Variants in ADAMTS9 observed in about 807,000 individuals in gnomAD.
ADAMTS9 encodes ADAM metallopeptidase with thrombospondin type 1 motif 9, also known as A disintegrin and metalloproteinase with thrombospondin motifs 9.
Under a neutral mutation model 257.1 loss-of-function variants are expected in ADAMTS9, and 107 were observed. That is an observed-to-expected ratio of 0.42 (90% CI 0.36 to 0.49). ADAMTS9 has a LOEUF of 0.49. Ranked by LOEUF, ADAMTS9 falls within the 20% of genes least tolerant of loss-of-function variation. ADAMTS9 has a pLI of 0.03. For synonymous variants in ADAMTS9, 982 were observed against 880.9 expected (o/e 1.11, Z -2.03); for missense variants, 2,353 against 2,469.1 (o/e 0.95, Z 1.00).
intron 37 of ADAMTS9, among the ~76,000 whole-genome samples, chr3:64,537,604 G>T (rs1289078028): frequency 6.6e-6 from 1 of 152,172 alleles, no homozygotes; most frequent in African/African-American, 2.4e-5. Context: ...TTAAAACAAC[G>T]TTCAGATGTG....
chr3:64,625,656 C>T (rs6768530), intron 16 of ADAMTS9, among the ~76,000 whole-genome samples: 84,817 of 152,010 alleles, frequency 0.56, 26,276 homozygotes, highest in African/African-American at 0.85. Context: ...TAAACAACAT[C>T]TGGCCCCAAG....
At chr3:64,648,209 A>G (rs1341735582) in intron 10 of ADAMTS9, among the ~76,000 whole-genome samples, 165 bp from the exon 11 acceptor site, 1 of 152,216 alleles carries the variant, frequency 6.6e-6, no homozygotes, top group Non-Finnish European at 1.5e-5. Flanking sequence ...ACAGCAGCCC[A>G]TAAAACACAT....
At chr3:64,632,714 T>C (rs985765620) in intron 14 of ADAMTS9, among the ~76,000 whole-genome samples, 1 of 152,006 alleles carries the variant, frequency 6.6e-6, no homozygotes, top group African/African-American at 2.4e-5. Context: ...TGCTGTGAAA[T>C]GGACAGACAA....
intron 38 of ADAMTS9, among the ~76,000 whole-genome samples, chr3:64,526,052 T>C (rs2082906266): frequency 6.8e-6 from 1 of 147,076 alleles, no homozygotes. Context: ...TAATCTTATG[T>C]GTGATATGCT....
At chr3:64,529,982 A>ATTTTTTTTTTTTT (rs200385291) in intron 38 of ADAMTS9, among the ~76,000 whole-genome samples, 3 of 106,472 alleles carry the variant, frequency 2.8e-5, no homozygotes, top group African/African-American at 3.6e-5. Context: ...CAGTTATTTA[A>ATTTTTTTTTTTTT]TTTTTTTTTT....
chr3:64,539,870 G>A (rs2083098549), intron 36 of ADAMTS9, among the ~76,000 whole-genome samples: 1 of 152,192 alleles, frequency 6.6e-6, no homozygotes, highest in African/African-American at 2.4e-5. Flanking sequence ...ATTTTTTAAA[G>A]AGCCAATAAA....
chr3:64,674,466 A>G (rs1263762309), intron 3 of ADAMTS9, among the ~76,000 whole-genome samples: 1 of 152,262 alleles, frequency 6.6e-6, no homozygotes, highest in South Asian at 2.1e-4. Context: ...CAGCTTTCTC[A>G]TTTGTAGGAT....
At chr3:64,584,212 C>T (rs1317809384) in intron 28 of ADAMTS9, 1 of 151,766 alleles carries the variant, frequency 6.6e-6, no homozygotes, top group Non-Finnish European at 1.5e-5. Flanking sequence ...GGATAGCAGT[C>T]GATTAAGAAA....
chr3:64,525,831 G>C (rs1486204852), intron 38 of ADAMTS9, among the ~76,000 whole-genome samples: 3 of 151,306 alleles, frequency 2.0e-5, no homozygotes, highest in Non-Finnish European at 4.4e-5. Flanking sequence ...GACTGGTCTC[G>C]AACTCCTGAC....
chr3:64,538,129 C>T (rs758816642), intron 37 of ADAMTS9, among the ~76,000 whole-genome samples: 9 of 152,112 alleles, frequency 5.9e-5, no homozygotes, highest in Non-Finnish European at 1.3e-4. Flanking sequence ...TCCACAGAGC[C>T]GCAAGCCTTG....
intron 32 of ADAMTS9, among the ~76,000 whole-genome samples, chr3:64,545,618 G>A (rs566917755): frequency 7.2e-5 from 11 of 152,184 alleles, no homozygotes; most frequent in African/African-American, 2.6e-4. Context: ...TGGAGTTGGG[G>A]GCAGGGGGAC....
At chr3:64,541,767 C>T in intron 33 of ADAMTS9, 71 bp downstream of exon 33, 1 of 1,592,062 alleles carries the variant, frequency 6.3e-7, no homozygotes, top group Non-Finnish European at 8.6e-7. Context: ...CTAAAAAGGG[C>T]AGGCAATCAA....
rs1279428630 is a variant in ADAMTS9 at position 64,672,680 on chromosome 3, AAAC to A, written c.679+8518_679+8520del. ...CCTGGGCAACAGAGCAAGACTCTCA[AAAC>A]AACAACAACAACAAAGGTTTTGGGG... On this transcript the variant is annotated intron_variant, in intron 3 of 39. Transcript: ENST00000498707. 4.6e-5 allele frequency among the ~76,000 whole-genome samples: 7 copies of A among 152,106 alleles called. No individual in the cohort carries two copies. In the South Asian group the frequency reaches 1.0e-3, roughly 23 times the overall value.
At chr3:64,564,530 CACTT>C (rs2083491349) in intron 29 of ADAMTS9, among the ~76,000 whole-genome samples, 1 of 152,068 alleles carries the variant, frequency 6.6e-6, no homozygotes, top group Non-Finnish European at 1.5e-5. Flanking sequence ...TTTTACTAAA[CACTT>C]ACTATATGCT....
rs761771899 is a variant in ADAMTS9 at position 64,658,480 on chromosome 3, A to G, written c.969+22T>C. 47 of 1,599,080 alleles carry G rather than the reference A, an allele frequency of 2.9e-5. 1 individual carries two copies. The South Asian group carries it at 4.8e-4, about 16-fold the overall frequency. On this transcript the variant is annotated intron_variant, in intron 4 of 39. Coordinates refer to ENST00000498707, the MANE Select transcript of ADAMTS9 (RefSeq NM_182920.2). ...GGCACATTTAGAGACCTCATAAATC[A>G]CCTTCGTTTGAATGTACTTACAATT... is the stretch of plus-strand genomic sequence containing the variant.
At chr3:64,577,811 C>G (rs567741333) in intron 28 of ADAMTS9, among the ~76,000 whole-genome samples, 1 of 152,230 alleles carries the variant, frequency 6.6e-6, no homozygotes. Flanking sequence ...TAACCAATAT[C>G]TGCCCCTTGG....
At chr3:64,561,511 G>A in intron 30 of ADAMTS9, 67 bp downstream of exon 30, 1 of 1,533,966 alleles carries the variant, frequency 6.5e-7, no homozygotes. Flanking sequence ...ATAGGGAACA[G>A]ATGTGAGGAT....
At chr3:64,605,057 C>G (rs2084533403) in intron 23 of ADAMTS9, among the ~76,000 whole-genome samples, 1 of 152,194 alleles carries the variant, frequency 6.6e-6, no homozygotes, top group Non-Finnish European at 1.5e-5. Flanking sequence ...AGTGCTGAGG[C>G]TTGGTGTCAC....
chr3:64,585,712 TAAAGA>T (rs1033690903), intron 28 of ADAMTS9, among the ~76,000 whole-genome samples: 2 of 152,118 alleles, frequency 1.3e-5, no homozygotes, highest in African/African-American at 4.8e-5. Context: ...ATCTACTAAA[TAAAGA>T]AAATACCTCA....
Sources: gnomAD v4.1 joint callset for allele counts (sites outside exome capture counted in the v4.1 genomes callset) on GRCh38, gnomAD v4.1.1 for gene constraint, MANE v1.5 for transcripts, NCBI Gene and HGNC (gene_info 2026-07-23, HGNC 2026-07-21) for gene names.